The following GALNS variants were observed in gnomAD, a reference collection of about 807,000 sequenced individuals.
GALNS encodes the protein N-acetylgalactosamine-6-sulfatase.
A neutral mutation model predicts 65.9 loss-of-function variants in GALNS; 65 were observed. That is an observed-to-expected ratio of 0.99 (90% CI 0.81 to 1.21). The LOEUF is 1.21. Ranked by LOEUF, GALNS falls within the 50% of genes most tolerant of loss-of-function variation. GALNS has a pLI of 0.00. For missense variants in GALNS, 776 were observed against 700.7 expected (o/e 1.11, Z -1.21); for synonymous variants, 346 against 288.9 (o/e 1.20, Z -2.00).
intron 1 of GALNS, among the ~76,000 whole-genome samples, chr16:88,848,677 T>C (rs957727503): frequency 6.6e-6 from 1 of 151,490 alleles, no homozygotes; most frequent in Non-Finnish European, 1.5e-5. Flanking sequence ...ACTCGCTGGG[T>C]CCTGGTAAGT....
In GALNS at chr16:88,832,092, T is replaced by C; in HGVS notation, c.908A>G (p.Asn303Ser). ...CTGCTTCCCACACAGAAAGGGGCCG[T>C]TGCTGCCACCTGGGAGAGAGGGGCC... ...LISAPEQGGS[N>S]GPFLCGKQTT... The change falls in exon 9 of 14, where the codon AAC becomes AGC. Residue 303 changes from asparagine (N) to serine (S), a missense_variant. Coordinates refer to ENST00000268695, the MANE Select transcript of GALNS (RefSeq NM_000512.5). The C allele has an allele frequency of 2.5e-6, 4 of 1,613,690 alleles. No individual in the cohort carries two copies. Among genetic ancestry groups the C allele is most frequent in the African/African-American group, 1.3e-5 (1 of 74,966 alleles).
intron 2 of GALNS, chr16:88,842,479 C>T (rs1967021544): frequency 1.7e-6 from 1 of 605,648 alleles, no homozygotes; most frequent in Non-Finnish European, 2.9e-6. Flanking sequence ...CAGCCACCAA[C>T]AATACCGCAA....
chr16:88,825,557 C>A (rs4999579), intron 10 of GALNS, among the ~76,000 whole-genome samples: 7 of 67,244 alleles, frequency 1.0e-4, no homozygotes, highest in Non-Finnish European at 2.2e-4. Flanking sequence ...CCTGGGTGTC[C>A]GGGACTGGGA....
intron 12 of GALNS, among the ~76,000 whole-genome samples, chr16:88,821,094 T>C (rs769973158): frequency 6.6e-6 from 1 of 152,120 alleles, no homozygotes; most frequent in Admixed American, 6.5e-5. Flanking sequence ...GGCGTCTGTC[T>C]CTGTATCTCG....
chr16:88,839,383 C>T (rs147774137), intron 4 of GALNS, among the ~76,000 whole-genome samples: 197 of 152,362 alleles, frequency 1.3e-3, no homozygotes, highest in Admixed American at 5.0e-3. Flanking sequence ...ATGGGCAGGA[C>T]GCTACACAAA....
chr16:88,824,572 C>T (rs1300942609), intron 11 of GALNS, among the ~76,000 whole-genome samples, 195 bp downstream of exon 11: 4 of 152,136 alleles, frequency 2.6e-5, no homozygotes, highest in African/African-American at 9.7e-5. Flanking sequence ...AGAGGTCCCT[C>T]CCTCCTCTCC....
intron 13 of GALNS, among the ~76,000 whole-genome samples, chr16:88,817,784 G>A (rs978385717): frequency 1.3e-5 from 2 of 152,170 alleles, no homozygotes; most frequent in African/African-American, 4.8e-5. Flanking sequence ...GTGGACCTGC[G>A]GCTGCCCTGG....
At chr16:88,847,957 T>C (rs1411731810) in intron 1 of GALNS, among the ~76,000 whole-genome samples, 1 of 152,174 alleles carries the variant, frequency 6.6e-6, no homozygotes, top group Non-Finnish European at 1.5e-5. Context: ...TGCCCATCCA[T>C]GGGTGGAAGC....
chr16:88,843,209 A>G, intron 1 of GALNS: 3 of 1,320,808 alleles, frequency 2.3e-6, no homozygotes, highest in South Asian at 1.2e-5. Flanking sequence ...TCTATTTTCA[A>G]CATAAATACA....
chr16:88,833,918 C>T (rs1325433852), intron 8 of GALNS, among the ~76,000 whole-genome samples: 1 of 152,228 alleles, frequency 6.6e-6, no homozygotes, highest in African/African-American at 2.4e-5. Flanking sequence ...AGACTCAGGT[C>T]GCTGGGACCC....
At position 88,853,975 on chromosome 16, in the gene GALNS, AGG is replaced by A. The variant is rs1249411675; in HGVS notation, c.120+2781_120+2782del. On this transcript the variant is annotated intron_variant, in intron 1 of 13. Transcript: ENST00000268695. ...AGTTGGAGAGTGGCTTCTGGCCATG[AGG>A]GGTGCAATAAGCTAGTTTTGGGGAC... Among the ~76,000 whole-genome samples the A allele has an allele frequency of 6.6e-5, 10 of 152,226 alleles. No homozygotes were observed. In the East Asian group the frequency reaches 1.9e-3, roughly 29 times the overall value.
intron 2 of GALNS, 144 bp downstream of exon 2, chr16:88,842,562 G>T: frequency 2.0e-6 from 2 of 1,025,534 alleles, no homozygotes; most frequent in Non-Finnish European, 1.4e-6. Context: ...GATGAGAAAG[G>T]CCTGAGCCCA....
At chr16:88,848,153 A>C (rs936219758) in intron 1 of GALNS, among the ~76,000 whole-genome samples, 1 of 152,200 alleles carries the variant, frequency 6.6e-6, no homozygotes, top group Admixed American at 6.5e-5. Flanking sequence ...TTAGAGACAG[A>C]AAGGGGAGCG....
intron 12 of GALNS, 146 bp downstream of exon 12, chr16:88,822,443 G>A (rs1453850016): frequency 1.9e-6 from 2 of 1,073,834 alleles, no homozygotes; most frequent in Admixed American, 2.0e-5. Flanking sequence ...AGGCCACCAA[G>A]CACGTGTGGG....
chr16:88,816,106 C>T, intron 13 of GALNS: 1 of 985,252 alleles, frequency 1.0e-6, no homozygotes, highest in Non-Finnish European at 1.2e-6. Context: ...AGTGGCTCAG[C>T]TCGCCAGGTC....
Position 88,814,496 on chromosome 16 carries a change from TAA to T in GALNS, c.1510_1511del (p.Leu504ArgfsTer225). The T allele has an allele frequency of 6.4e-7, 1 of 1,561,546 alleles. No individual in the cohort carries two copies. The highest frequency in any genetic ancestry group is 8.7e-7 in the Non-Finnish European group (1 of 1,152,134). The part of the protein sequence containing the change: ...MNWAPPGCEK[L>X]GKCLTPPESI... Reference sequence around the variant, plus strand: ...ATTCTGGAGGTGTCAGACACTTCCCTAACTTTTCACAGCCCGGAGGTGCCCAG... The same window carrying T: ...ATTCTGGAGGTGTCAGACACTTCCCTCTTTTCACAGCCCGGAGGTGCCCAG... On this transcript the variant is annotated frameshift_variant, in exon 14 of 14. Coordinates refer to ENST00000268695, the MANE Select transcript of GALNS (RefSeq NM_000512.5). LOFTEE classifies it high-confidence loss of function.
intron 1 of GALNS, chr16:88,856,329 C>T (rs1461048396): frequency 1.4e-6 from 1 of 702,644 alleles, no homozygotes; most frequent in Non-Finnish European, 2.6e-6. Context: ...TCAGGCAGGG[C>T]GGCAGGAGCA....
At chr16:88,818,837 A>G (rs1235875570) in intron 12 of GALNS, among the ~76,000 whole-genome samples, 1 of 152,244 alleles carries the variant, frequency 6.6e-6, no homozygotes, top group Non-Finnish European at 1.5e-5. Context: ...GCGGAGATGC[A>G]GGGAGGAACT....
At chr16:88,856,696 C>T in intron 1 of GALNS, 62 bp downstream of exon 1, 1 of 595,890 alleles carries the variant, frequency 1.7e-6, no homozygotes, top group Non-Finnish European at 2.9e-6. Context: ...GCTCCTCCCT[C>T]CATCCGCCCC....
Sources: allele counts gnomAD v4.1 joint callset (sites outside exome capture counted in the v4.1 genomes callset), GRCh38; gene constraint gnomAD v4.1.1; transcripts MANE v1.5; gene names NCBI Gene and HGNC (gene_info 2026-07-23, HGNC 2026-07-21).